The following PLEK2 variants were observed in gnomAD, a reference collection of about 807,000 sequenced individuals.
PLEK2 encodes the protein pleckstrin-2.
In PLEK2, 29 loss-of-function variants were observed where a neutral mutation model predicts 43.8. The ratio of observed to expected loss-of-function variants is 0.66; its 90% CI spans 0.49 to 0.90. The LOEUF (loss-of-function observed/expected upper bound fraction) is 0.90. Among genes scored for constraint, PLEK2 ranks in the 40% least tolerant of loss-of-function variants. PLEK2 has a pLI of 0.00. For missense variants in PLEK2, 398 were observed against 448.1 expected (o/e 0.89, Z 1.01); for synonymous variants, 162 against 173.2 (o/e 0.94, Z 0.51).
chr14:67,398,385 C>T (rs1386391674), intron 1 of PLEK2, among the ~76,000 whole-genome samples: 1 of 152,142 alleles, frequency 6.6e-6, no homozygotes, highest in African/African-American at 2.4e-5. Flanking sequence ...TTTCCCCATC[C>T]ACTGATTTTT....
At chr14:67,404,126 A>C (rs2086064570) in intron 1 of PLEK2, among the ~76,000 whole-genome samples, 1 of 152,210 alleles carries the variant, frequency 6.6e-6, no homozygotes, top group Non-Finnish European at 1.5e-5. Context: ...CACTGCTTAT[A>C]ATAATGAAAA....
intron 6 of PLEK2, 27 bp from the exon 7 acceptor site, chr14:67,390,773 C>T: frequency 4.1e-6 from 6 of 1,472,306 alleles, no homozygotes; most frequent in Non-Finnish European, 5.7e-6. Context: ...GTTCAAAGCT[C>T]ATTGGTGACA....
At chr14:67,406,485 C>G (rs1410774982) in intron 1 of PLEK2, among the ~76,000 whole-genome samples, 4 of 152,026 alleles carry the variant, frequency 2.6e-5, no homozygotes, top group Non-Finnish European at 5.9e-5. Context: ...TTTGGGGAGA[C>G]TCCCCGTGGT....
At chr14:67,397,893 G>A (rs2086022350) in intron 1 of PLEK2, 67 bp from the exon 2 acceptor site, 15 of 1,327,346 alleles carry the variant, frequency 1.1e-5, no homozygotes, top group African/African-American at 2.9e-5. Flanking sequence ...CAGGGAGGGG[G>A]TGTCTGGTGG....
chr14:67,409,722 T>C (rs2086104304), intron 1 of PLEK2, among the ~76,000 whole-genome samples: 1 of 152,184 alleles, frequency 6.6e-6, no homozygotes, highest in Non-Finnish European at 1.5e-5. Flanking sequence ...GGCTTCGCTT[T>C]CACCGGTGAT....
At chr14:67,398,179 A>T (rs916530037) in intron 1 of PLEK2, 45 of 173,708 alleles carry the variant, frequency 2.6e-4, no homozygotes, top group Admixed American at 1.5e-3. Flanking sequence ...CTGGTTTTTT[A>T]AAAAAATTAA....
At chr14:67,392,879 G>A (rs765256153) in intron 4 of PLEK2, 30 bp from the exon 5 acceptor site, 1 of 1,569,710 alleles carries the variant, frequency 6.4e-7, no homozygotes, top group South Asian at 1.1e-5. Context: ...GTCAGGCGAT[G>A]GGTGATGGAC....
At chr14:67,398,796 T>C (rs1206801166) in intron 1 of PLEK2, among the ~76,000 whole-genome samples, 2 of 152,212 alleles carry the variant, frequency 1.3e-5, no homozygotes, top group South Asian at 2.1e-4. Flanking sequence ...TCTGGGCTTC[T>C]GTGATCCTCT....
At chr14:67,402,763 C>CT (rs1337397964) in intron 1 of PLEK2, among the ~76,000 whole-genome samples, 2 of 152,130 alleles carry the variant, frequency 1.3e-5, no homozygotes, top group Non-Finnish European at 2.9e-5. Context: ...GGATCTCATT[C>CT]TTTTTTATGG....
At position 67,392,436 on chromosome 14, in the gene PLEK2, A is replaced by G. The variant is rs751845436; in HGVS notation, c.670-9T>C. The stretch of plus-strand genomic sequence containing the variant: ...TTTTTGTAGCTCTCAGCCTAGGGGG[A>G]AGGAGGGAGCAAGGACTCTGCTACA... On this transcript the variant is annotated splice_polypyrimidine_tract_variant and intron_variant, in intron 5 of 8. Coordinates refer to ENST00000216446, the MANE Select transcript of PLEK2 (RefSeq NM_016445.3). 5 of 1,593,102 alleles carry G rather than the reference A, an allele frequency of 3.1e-6. No individual in the cohort carries two copies. Among genetic ancestry groups the G allele is most frequent in the African/African-American group, 2.7e-5 (2 of 74,398 alleles).
intron 1 of PLEK2, among the ~76,000 whole-genome samples, chr14:67,401,447 T>C (rs181130678): frequency 6.6e-6 from 1 of 152,090 alleles, no homozygotes; most frequent in Non-Finnish European, 1.5e-5. Flanking sequence ...AGGAGGTTAA[T>C]GCTACAGTGA....
At chr14:67,392,518 G>T in intron 5 of PLEK2, 91 bp from the exon 6 acceptor site, 2 of 1,245,544 alleles carry the variant, frequency 1.6e-6, no homozygotes, top group African/African-American at 1.5e-5. Context: ...AATTCCTCAG[G>T]ACAGGAACCT....
rs546452896 is a variant in PLEK2 at position 67,391,367 on chromosome 14, G to A, written c.772-621C>T. On this transcript the variant is annotated intron_variant, in intron 6 of 8. Transcript: ENST00000216446. ...TAGATCACAAACCTTAGCCCTCCTAGTCAGGAACACCCTCAGAGTCCCTCC... is the reference window on the plus strand; with the variant it reads ...TAGATCACAAACCTTAGCCCTCCTAATCAGGAACACCCTCAGAGTCCCTCC... Among the ~76,000 whole-genome samples, 3 of 150,892 alleles carry A rather than the reference G, an allele frequency of 2.0e-5. No homozygotes were observed. The South Asian group carries it at 6.3e-4, about 32-fold the overall frequency.
Position 67,393,142 on chromosome 14 carries a change from A to C in PLEK2, c.481+8T>G, listed in dbSNP as rs1329742414. On this transcript the variant is annotated splice_region_variant and intron_variant, in intron 4 of 8. Transcript: ENST00000216446. ...ACTGCCCAGCCCGGCCCTGGGGGAC[A>C]GGCTCACCGAGGAAGGTCTTTTTAT... The C allele has an allele frequency of 1.9e-6, 3 of 1,592,062 alleles. No homozygotes were observed. The African/African-American group carries it at 4.0e-5, about 21-fold the overall frequency.
chr14:67,412,158 C>T lies in PLEK2; in HGVS notation c.-99G>A. 1 of 1,050,362 alleles carries T rather than the reference C, an allele frequency of 9.5e-7. No homozygotes were observed. The highest frequency in any genetic ancestry group is 1.7e-5 in the African/African-American group (1 of 59,354). The allele number at this position is 1,050,362 out of a possible 1,614,324, so 65.1% of individuals were successfully genotyped here. A position where few individuals can be genotyped will look rare whatever the true frequency, so the allele number is the denominator to read the frequency against. ...CCGCGCAGTCCGCGCCCACGGCGCC[C>T]AGGAAGCAGCTCCGACGCGGCAGGG... is the stretch of plus-strand genomic sequence containing the variant. On this transcript the variant is annotated 5_prime_UTR_variant, in exon 1 of 9. Coordinates refer to ENST00000216446, the MANE Select transcript of PLEK2 (RefSeq NM_016445.3).
intron 1 of PLEK2, among the ~76,000 whole-genome samples, chr14:67,403,600 CCTAA>C (rs1390839208): frequency 6.6e-6 from 1 of 152,178 alleles, no homozygotes. Flanking sequence ...AACTGAGAAT[CCTAA>C]CTGATAGCAA....
rs909342660 is a variant in PLEK2, at chr14:67,407,374, G to A, written c.42+4644C>T. ...CTGACCTCGTGATCTGCCCACCTCG[G>A]CCTCCTAAAATGCTGGGATTACAGG... On this transcript the variant is annotated intron_variant, in intron 1 of 8. Transcript: ENST00000216446. 2.0e-5 allele frequency among the ~76,000 whole-genome samples: 3 copies of A among 151,754 alleles called. No homozygotes were observed. The East Asian group carries it at 5.9e-4, about 30-fold the overall frequency.
chr14:67,408,115 C>T (rs1329121427), intron 1 of PLEK2, among the ~76,000 whole-genome samples: 12 of 151,828 alleles, frequency 7.9e-5, no homozygotes, highest in Non-Finnish European at 1.5e-4. Context: ...GGAGAAACCA[C>T]GTCTCTACTA....
chr14:67,397,597 A>C (rs1481287236), intron 2 of PLEK2, 65 bp downstream of exon 2: 3 of 1,391,280 alleles, frequency 2.2e-6, no homozygotes, highest in African/African-American at 1.4e-5. Context: ...CCACTTTCCC[A>C]AAGAGGCCAG....
Sources: gnomAD v4.1 joint callset for allele counts (sites outside exome capture counted in the v4.1 genomes callset) on GRCh38, gnomAD v4.1.1 for gene constraint, MANE v1.5 for transcripts, NCBI Gene and HGNC (gene_info 2026-07-23, HGNC 2026-07-21) for gene names.